KCNMA1: variants seen among roughly 807,000 people sequenced by gnomAD.
KCNMA1 encodes the protein potassium calcium-activated channel subfamily M alpha 1, also known as Calcium-activated potassium channel subunit alpha-1.
KCNMA1 carries 29 observed loss-of-function variants against 140.0 expected under a neutral mutation model. That is an observed-to-expected ratio of 0.21 (90% CI 0.15 to 0.28). KCNMA1 has a LOEUF of 0.28. Ranked by LOEUF, KCNMA1 falls within the 10% of genes least tolerant of loss-of-function variation. The pLI is 1.00. For synonymous variants in KCNMA1, 612 were observed against 611.9 expected (o/e 1.00, Z 0.00); for missense variants, 880 against 1,602.2 (o/e 0.55, Z 7.70).
chr10:76,947,007 T>A (rs2064192729), intron 22 of KCNMA1, among the ~76,000 whole-genome samples: 2 of 152,166 alleles, frequency 1.3e-5, no homozygotes, highest in South Asian at 4.1e-4. Context: ...GACAGCTCAT[T>A]CATATACATG....
At chr10:77,236,964 C>G (rs1309803990) in intron 3 of KCNMA1, among the ~76,000 whole-genome samples, 1 of 152,164 alleles carries the variant, frequency 6.6e-6, no homozygotes, top group African/African-American at 2.4e-5. Context: ...TTTTTAAATG[C>G]TTGTTTTTCC....
rs184665136 is a variant in KCNMA1 at position 76,997,552 on chromosome 10, A to G, written c.2266+3855T>C. Among the ~76,000 whole-genome samples, 3 of 152,350 alleles carry G rather than the reference A, an allele frequency of 2.0e-5. No homozygotes were observed. In the East Asian group the frequency reaches 5.8e-4, roughly 29 times the overall value. Reference sequence around the variant, plus strand: ...CAGTATGGCCCTACGTTGCCACTGCATCATAATTTTAATTGTCCCTTTCTA... The same window carrying G: ...CAGTATGGCCCTACGTTGCCACTGCGTCATAATTTTAATTGTCCCTTTCTA... On this transcript the variant is annotated intron_variant, in intron 19 of 27. Transcript: ENST00000286628.
chr10:77,257,205 C>T (rs532134038), intron 2 of KCNMA1, among the ~76,000 whole-genome samples: 8 of 152,318 alleles, frequency 5.3e-5, no homozygotes, highest in Non-Finnish European at 8.8e-5. Flanking sequence ...ATTCCAACAT[C>T]TAAATTATAA....
At chr10:77,415,116 C>T (rs188221904) in intron 1 of KCNMA1, among the ~76,000 whole-genome samples, 145 of 152,240 alleles carry the variant, frequency 9.5e-4, no homozygotes, top group African/African-American at 3.0e-3. Context: ...GGCTAGGGGA[C>T]GGGGATCCAA....
chr10:77,595,909 C>T (rs571646935), intron 1 of KCNMA1, among the ~76,000 whole-genome samples: 1 of 152,302 alleles, frequency 6.6e-6, no homozygotes, highest in East Asian at 1.9e-4. Context: ...CTCGACCTCC[C>T]AAAGTGCTGG....
intron 19 of KCNMA1, among the ~76,000 whole-genome samples, chr10:76,979,032 T>C (rs1228117612): frequency 6.6e-6 from 1 of 152,188 alleles, no homozygotes; most frequent in Non-Finnish European, 1.5e-5. Flanking sequence ...TTAAATTTGG[T>C]GCCCAGGGCA....
chr10:77,285,929 G>A (rs951572882), intron 2 of KCNMA1, among the ~76,000 whole-genome samples: 2 of 152,142 alleles, frequency 1.3e-5, no homozygotes, highest in African/African-American at 2.4e-5. Flanking sequence ...AAAGGACAGC[G>A]ATCAGTATTC....
At chr10:77,341,595 C>A (rs764851938) in intron 2 of KCNMA1, among the ~76,000 whole-genome samples, 2 of 152,202 alleles carry the variant, frequency 1.3e-5, no homozygotes, top group Non-Finnish European at 2.9e-5. Context: ...TCCCCCAGAT[C>A]CCCTTGTGTT....
intron 19 of KCNMA1, among the ~76,000 whole-genome samples, chr10:76,981,696 G>A (rs568397961): frequency 1.1e-4 from 16 of 152,212 alleles, no homozygotes; most frequent in African/African-American, 3.4e-4. Flanking sequence ...CTCCTCCAGG[G>A]GGCCTTCCCA....
chr10:76,964,283 T>C (rs1157578697), intron 20 of KCNMA1, among the ~76,000 whole-genome samples: 1 of 152,112 alleles, frequency 6.6e-6, no homozygotes, highest in Non-Finnish European at 1.5e-5. Flanking sequence ...TTATTTTCCC[T>C]GCTGCCACCT....
intron 10 of KCNMA1, among the ~76,000 whole-genome samples, chr10:77,089,808 T>A (rs1181527659): frequency 6.6e-6 from 1 of 152,140 alleles, no homozygotes; most frequent in African/African-American, 2.4e-5. Context: ...GCTCAGCCAG[T>A]AGTTGGTTGA....
intron 1 of KCNMA1, among the ~76,000 whole-genome samples, chr10:77,501,766 T>A (rs1011734479): frequency 3.3e-5 from 5 of 152,096 alleles, no homozygotes; most frequent in African/African-American, 1.2e-4. Context: ...CTACCCATGG[T>A]GGGGTGGGAG....
chr10:77,037,879 C>G (rs186499920), intron 15 of KCNMA1, among the ~76,000 whole-genome samples: 81 of 152,246 alleles, frequency 5.3e-4, no homozygotes, highest in African/African-American at 1.6e-3. Context: ...CCTGGGACAG[C>G]CTCAGTGTTC....
chr10:77,112,789 CTT>C (rs958376469), intron 6 of KCNMA1, among the ~76,000 whole-genome samples: 1 of 152,000 alleles, frequency 6.6e-6, no homozygotes, highest in Non-Finnish European at 1.5e-5. Context: ...TCCCTACATG[CTT>C]TTTCTCTTAT....
At position 76,886,172 on chromosome 10, in the gene KCNMA1, G is replaced by T; in HGVS notation, c.*1094C>A. The T allele has an allele frequency of 1.0e-6, 1 of 985,372 alleles. No individual in the cohort carries two copies. The highest frequency in any genetic ancestry group is 1.2e-6 in the Non-Finnish European group (1 of 829,914). The allele number at this position is 985,372 out of a possible 1,614,324, so 61.0% of individuals were successfully genotyped here. On this transcript the variant is annotated 3_prime_UTR_variant, in exon 28 of 28. Coordinates refer to ENST00000286628, the MANE Select transcript of KCNMA1 (RefSeq NM_001161352.2). ...AAAAGCATGATCTGCAGCTGGGTTT[G>T]TCTTCCTCTCACTCTACCATTGCCC...
chr10:76,920,020 G>GTGTGTGTGTGTATATATA (rs1177257916), intron 23 of KCNMA1, among the ~76,000 whole-genome samples: 6 of 34,428 alleles, frequency 1.7e-4, no homozygotes, highest in African/African-American at 6.3e-4. Flanking sequence ...GTGTGTGTGT[G>GTGTGTGTGTGTATATATA]TATATATATA....
intron 1 of KCNMA1, among the ~76,000 whole-genome samples, chr10:77,533,526 C>T (rs1411866952): frequency 2.0e-5 from 3 of 152,118 alleles, no homozygotes; most frequent in Non-Finnish European, 4.4e-5. Context: ...CCTAAGGATC[C>T]TAATCTCCTT....
Position 77,636,494 on chromosome 10 carries a change from C to G in KCNMA1, c.378+771G>C, listed in dbSNP as rs139968359. 6,536 of 1,536,198 alleles carry G rather than the reference C, an allele frequency of 4.3e-3. 76 individuals carry two copies. The highest frequency in any genetic ancestry group is 0.039 in the East Asian group (1,591 of 40,920). On this transcript the variant is annotated intron_variant, in intron 1 of 27. Coordinates refer to ENST00000286628, the MANE Select transcript of KCNMA1 (RefSeq NM_001161352.2). ...CAGCTCCGCGCTGCTGGTGGCATTT[C>G]CGGGGACCCAAAGTGGGTGGCCTGG...
At chr10:77,253,002 T>C (rs1479580042) in intron 2 of KCNMA1, among the ~76,000 whole-genome samples, 1 of 152,146 alleles carries the variant, frequency 6.6e-6, no homozygotes, top group Non-Finnish European at 1.5e-5. Flanking sequence ...CACATATTCA[T>C]TCATATGTTC....
Sources: gnomAD v4.1 joint callset for allele counts (sites outside exome capture counted in the v4.1 genomes callset) on GRCh38, gnomAD v4.1.1 for gene constraint, MANE v1.5 for transcripts, NCBI Gene and HGNC (gene_info 2026-07-23, HGNC 2026-07-21) for gene names.